Variants in TTC3 observed in about 807,000 individuals in gnomAD.
TTC3 encodes the protein tetratricopeptide repeat domain 3.
A neutral mutation model predicts 249.6 loss-of-function variants in TTC3; 180 were observed. The observed-to-expected ratio is 0.72, with a 90% confidence interval of 0.64 to 0.82. The LOEUF is 0.82. Ranked by LOEUF, TTC3 falls within the 40% of genes least tolerant of loss-of-function variation. TTC3 has a pLI of 0.00. For missense variants in TTC3, 2,061 were observed against 2,398.4 expected (o/e 0.86, Z 2.94); for synonymous variants, 717 against 805.0 (o/e 0.89, Z 1.85).
rs7510458 is a variant in TTC3, at chr21:37,152,392, G to T, written c.2413+363G>T. Among the ~76,000 whole-genome samples, 877 of 123,156 alleles carry T rather than the reference G, an allele frequency of 7.1e-3. 6 individuals are homozygous for T. Among genetic ancestry groups the T allele is most frequent in the African/African-American group, 0.011 (348 of 33,120 alleles). The allele number at this position is 123,156 out of a possible 152,430, so 80.8% of individuals were successfully genotyped here. A position where few individuals can be genotyped will look rare whatever the true frequency, so the allele number is the denominator to read the frequency against. ...GGGAACTAAGTTGTTTTTTTTTTTT[G>T]TTTTTTTTTTTTGAGACGGAGTCTC... is the stretch of plus-strand genomic sequence containing the variant. On this transcript the variant is annotated intron_variant, in intron 26 of 45. Transcript: ENST00000355666.
intron 8 of TTC3, among the ~76,000 whole-genome samples, chr21:37,094,833 A>G (rs946652568): frequency 2.6e-5 from 4 of 152,176 alleles, no homozygotes; most frequent in East Asian, 1.9e-4. Context: ...AGACAGGTTT[A>G]TTTAAATATA....
chr21:37,185,793 T>C lies in TTC3; in HGVS notation c.4826+19T>C, dbSNP rs377521704. ...AAATCAGGCAAATTAAGCTTAAATT[T>C]ATTTTTAATATATTTTAATACTTTT... On this transcript the variant is annotated intron_variant, in intron 37 of 45. Coordinates refer to ENST00000355666, the Ensembl canonical transcript of TTC3. 7.6e-6 allele frequency: 11 copies of C among 1,456,682 alleles called. No homozygotes were observed. Among genetic ancestry groups the C allele is most frequent in the Non-Finnish European group, 9.2e-6 (10 of 1,089,132 alleles). The allele number at this position is 1,456,682 out of a possible 1,614,324, so 90.2% of individuals were successfully genotyped here.
At chr21:37,193,674 G>A (rs994099789) in intron 41 of TTC3, 1 of 152,152 alleles carries the variant, frequency 6.6e-6, no homozygotes, top group Non-Finnish European at 1.5e-5. Flanking sequence ...TAATAAGTGT[G>A]CCTAAAAATT....
chr21:37,121,739 C>T (rs1367450604), intron 11 of TTC3, 78 bp from the exon 12 acceptor site: 1 of 1,344,198 alleles, frequency 7.4e-7, no homozygotes, highest in African/African-American at 1.5e-5. Context: ...AGTTTTCAAG[C>T]AAAACATTTT....
chr21:37,165,772 C>T (rs1416109475), exon 33 of TTC3: 4 of 1,613,568 alleles, frequency 2.5e-6, no homozygotes, highest in African/African-American at 1.3e-5. Context: ...AGAAGAAAAA[C>T]ATTAAAACAA....
intron 11 of TTC3, among the ~76,000 whole-genome samples, chr21:37,115,054 A>G (rs2076012325): frequency 6.6e-6 from 1 of 152,066 alleles, no homozygotes; most frequent in Non-Finnish European, 1.5e-5. Context: ...GGAGAGGGAT[A>G]GCATTAGGAG....
At chr21:37,197,935 G>T (rs752745899) in exon 44 of TTC3, 23 of 1,613,840 alleles carry the variant, frequency 1.4e-5, no homozygotes, top group Non-Finnish European at 8.5e-7. Context: ...CCACCCCCGT[G>T]ACCAGGTCCT....
chr21:37,083,990 C>G (rs2072055180), intron 1 of TTC3: 1 of 152,152 alleles, frequency 6.6e-6, no homozygotes, highest in Non-Finnish European at 1.5e-5. Flanking sequence ...CTTTGATAAT[C>G]ATGGACATTA....
chr21:37,143,665 C>T (rs1165497900), intron 20 of TTC3, among the ~76,000 whole-genome samples: 3 of 151,140 alleles, frequency 2.0e-5, no homozygotes, highest in Admixed American at 1.3e-4. Flanking sequence ...CTAGTTCAAC[C>T]ATTGTGGAAG....
chr21:37,092,798 A>G (rs1030622615), intron 7 of TTC3, among the ~76,000 whole-genome samples: 1 of 152,178 alleles, frequency 6.6e-6, no homozygotes, highest in Non-Finnish European at 1.5e-5. Context: ...GTTTTGTTGC[A>G]ATAAATTTTT....
At chr21:37,167,718 C>A in intron 34 of TTC3, 98 bp downstream of exon 34, 2 of 844,128 alleles carry the variant, frequency 2.4e-6, no homozygotes, top group East Asian at 3.0e-5. Context: ...CAGCTTATTC[C>A]ACACAAAGTT....
At chr21:37,080,366 G>A (rs1179507858) in intron 1 of TTC3, among the ~76,000 whole-genome samples, 2 of 108,586 alleles carry the variant, frequency 1.8e-5, no homozygotes, top group Admixed American at 8.6e-5. Context: ...TATCTTTTTA[G>A]CATTTTTTTT....
At chr21:37,153,528 G>T (rs767943154) in intron 27 of TTC3, among the ~76,000 whole-genome samples, 1 of 151,992 alleles carries the variant, frequency 6.6e-6, no homozygotes, top group Non-Finnish European at 1.5e-5. Context: ...TTTAAAAAAA[G>T]AACTAAATAT....
intron 15 of TTC3, among the ~76,000 whole-genome samples, chr21:37,128,702 C>A: frequency 6.6e-6 from 1 of 152,128 alleles, no homozygotes; most frequent in Non-Finnish European, 1.5e-5. Flanking sequence ...AGTGATGTGT[C>A]TTTTCACCCC....
intron 1 of TTC3, among the ~76,000 whole-genome samples, chr21:37,076,863 G>A (rs777391279): frequency 4.6e-5 from 7 of 151,686 alleles, no homozygotes; most frequent in Non-Finnish European, 7.4e-5. Flanking sequence ...CACCACACCC[G>A]GCTAATTTTG....
chr21:37,079,986 C>A (rs1168370410), intron 1 of TTC3, among the ~76,000 whole-genome samples: 1 of 151,772 alleles, frequency 6.6e-6, no homozygotes, highest in Non-Finnish European at 1.5e-5. Context: ...TAACTTTTGG[C>A]CTAATTTGTT....
At chr21:37,187,067 G>T in exon 38 of TTC3, 1 of 1,542,506 alleles carries the variant, frequency 6.5e-7, no homozygotes, top group East Asian at 2.4e-5. Context: ...TTACAAATGA[G>T]AAAATGAAAA....
chr21:37,101,630 T>G lies in TTC3; in HGVS notation c.845+4987T>G, dbSNP rs183315291. ...GATCCTTGTGTATTCCCATAATATT[T>G]TATGCCTATACAAGCATTTATGTTG... On this transcript the variant is annotated intron_variant, in intron 10 of 45. Transcript: ENST00000355666. 3.3e-5 allele frequency among the ~76,000 whole-genome samples: 5 copies of G among 152,322 alleles called. No individual in the cohort carries two copies. The East Asian group carries it at 9.6e-4, about 29-fold the overall frequency.
exon 46 of TTC3, chr21:37,201,776 A>G (rs2085527924): frequency 1.4e-6 from 1 of 711,558 alleles, no homozygotes; most frequent in Admixed American, 3.1e-5. Context: ...AACAGTGGCT[A>G]ATAAAATGAC....
Sources: gnomAD v4.1 joint callset for allele counts (sites outside exome capture counted in the v4.1 genomes callset) on GRCh38, gnomAD v4.1.1 for gene constraint, MANE v1.5 for transcripts, NCBI Gene and HGNC (gene_info 2026-07-23, HGNC 2026-07-21) for gene names.